Variants in CCSER1 observed in about 807,000 individuals in gnomAD.
The protein encoded by CCSER1 is coiled-coil serine rich protein 1.
CCSER1 carries 41 observed loss-of-function variants against 82.0 expected under a neutral mutation model. That is an observed-to-expected ratio of 0.50 (90% CI 0.39 to 0.65). The LOEUF is 0.65. Ranked by LOEUF, CCSER1 falls within the 30% of genes least tolerant of loss-of-function variation. The pLI, the probability that CCSER1 is intolerant of heterozygous loss-of-function variation, is 0.00. For synonymous variants in CCSER1, 414 were observed against 383.9 expected, an observed-to-expected ratio of 1.08 and a Z score of -0.92; for missense variants, 1,119 against 1,064.2, an observed-to-expected ratio of 1.05 and a Z score of -0.72.
At chr4:90,820,302 A>G (rs1180765436) in intron 8 of CCSER1, among the ~76,000 whole-genome samples, 3 of 152,204 alleles carry the variant, frequency 2.0e-5, no homozygotes, top group African/African-American at 7.2e-5. Flanking sequence ...TGCTGTTCTA[A>G]CAAAATATCA....
At chr4:90,557,819 G>A (rs1215769322) in intron 5 of CCSER1, among the ~76,000 whole-genome samples, 2 of 151,986 alleles carry the variant, frequency 1.3e-5, no homozygotes, top group African/African-American at 4.8e-5. Flanking sequence ...TATTACATGT[G>A]GACATTTTAA....
At chr4:91,433,618 C>T (rs1754459191) in intron 10 of CCSER1, among the ~76,000 whole-genome samples, 1 of 152,184 alleles carries the variant, frequency 6.6e-6, no homozygotes, top group Non-Finnish European at 1.5e-5. Context: ...GTTAAAATTG[C>T]CTGCAGTATT....
chr4:90,546,585 G>A (rs929519646), intron 5 of CCSER1, among the ~76,000 whole-genome samples: 2 of 152,178 alleles, frequency 1.3e-5, no homozygotes, highest in Non-Finnish European at 2.9e-5. Flanking sequence ...AGGCAATTTA[G>A]TAGAAAATAA....
At chr4:90,472,637 C>T (rs1424703205) in intron 5 of CCSER1, among the ~76,000 whole-genome samples, 2 of 152,176 alleles carry the variant, frequency 1.3e-5, no homozygotes, top group Non-Finnish European at 2.9e-5. Flanking sequence ...TACTTCACTT[C>T]TGAGTTTAGT....
At chr4:90,974,822 A>G (rs1204089485) in intron 9 of CCSER1, among the ~76,000 whole-genome samples, 1 of 151,460 alleles carries the variant, frequency 6.6e-6, no homozygotes, top group Admixed American at 6.6e-5. Flanking sequence ...TTCTTAATCT[A>G]TTAAACATAG....
intron 9 of CCSER1, among the ~76,000 whole-genome samples, chr4:90,951,772 G>T (rs954888353): frequency 2.6e-5 from 4 of 152,056 alleles, no homozygotes; most frequent in African/African-American, 7.2e-5. Flanking sequence ...TATTCTGAAT[G>T]CTTCTAAATT....
chr4:91,379,251 T>A (rs887264335), intron 10 of CCSER1, among the ~76,000 whole-genome samples: 36 of 152,308 alleles, frequency 2.4e-4, no homozygotes, highest in African/African-American at 8.2e-4. Context: ...GGTATCAGGA[T>A]GATGCTGGCC....
intron 10 of CCSER1, among the ~76,000 whole-genome samples, chr4:91,459,097 C>T (rs144247686): frequency 1.6e-3 from 244 of 151,476 alleles, no homozygotes; most frequent in South Asian, 2.1e-3. Context: ...TCAAAAAATT[C>T]TGTGCATAAA....
At chr4:91,489,837 C>T (rs28508157) in intron 10 of CCSER1, among the ~76,000 whole-genome samples, 115,003 of 151,936 alleles carry the variant, frequency 0.76, 44,008 homozygotes, top group East Asian at 0.93. Context: ...GATGATGATA[C>T]TCTCTGACCA....
At chr4:91,072,478 A>G (rs1023706010) in intron 9 of CCSER1, among the ~76,000 whole-genome samples, 6 of 152,164 alleles carry the variant, frequency 3.9e-5, no homozygotes, top group Admixed American at 3.9e-4. Flanking sequence ...GGTAAAAATG[A>G]CATGGTTTAG....
In CCSER1 at chr4:90,591,281, C is replaced by T. The variant is rs534722996; in HGVS notation, c.1725-36744C>T. Among the ~76,000 whole-genome samples, 17 of 152,234 alleles carry T rather than the reference C, an allele frequency of 1.1e-4. No individual in the cohort carries two copies. In the East Asian group the frequency reaches 2.5e-3, roughly 22 times the overall value. The stretch of plus-strand genomic sequence containing the variant: ...CTTCCTATTTGAATACAATTTCCTT[C>T]GTTTGCCTGATTGCCTTGGCCAGAA... On this transcript the variant is annotated intron_variant, in intron 5 of 10. Transcript: ENST00000509176.
intron 10 of CCSER1, among the ~76,000 whole-genome samples, chr4:91,364,659 GTCTTTC>G (rs1749481879): frequency 1.3e-5 from 2 of 152,036 alleles, no homozygotes; most frequent in South Asian, 2.1e-4. Context: ...ATTTTATTAA[GTCTTTC>G]TCTTTCTGAT....
chr4:91,180,158 C>T (rs1050983286), intron 10 of CCSER1, among the ~76,000 whole-genome samples: 19 of 152,182 alleles, frequency 1.2e-4, no homozygotes, highest in Admixed American at 2.6e-4. Flanking sequence ...GCTGCCTCAT[C>T]CTTCCTCTGA....
intron 5 of CCSER1, among the ~76,000 whole-genome samples, chr4:90,474,139 C>CAAAA (rs113535187): frequency 3.4e-4 from 35 of 102,016 alleles, no homozygotes; most frequent in African/African-American, 9.5e-4. Context: ...GATTCCCTCT[C>CAAAA]AAAAAAAAAA....
intron 1 of CCSER1, among the ~76,000 whole-genome samples, chr4:90,298,939 C>CT (rs1336995876): frequency 6.6e-6 from 1 of 152,050 alleles, no homozygotes; most frequent in African/African-American, 2.4e-5. Flanking sequence ...CTTCTTTCTT[C>CT]TTTTACCACT....
intron 10 of CCSER1, among the ~76,000 whole-genome samples, chr4:91,422,080 C>T (rs1475841859): frequency 6.6e-6 from 1 of 152,116 alleles, no homozygotes; most frequent in African/African-American, 2.4e-5. Flanking sequence ...TCCAGAGCCT[C>T]CAGGAAAGAA....
intron 10 of CCSER1, among the ~76,000 whole-genome samples, chr4:91,542,412 G>A (rs1761652194): frequency 1.3e-5 from 2 of 152,100 alleles, no homozygotes; most frequent in Admixed American, 1.3e-4. Context: ...TGTATTAGGT[G>A]TAAGGAAGGG....
chr4:90,717,919 C>T (rs1346034401), intron 6 of CCSER1, among the ~76,000 whole-genome samples: 1 of 151,742 alleles, frequency 6.6e-6, no homozygotes, highest in East Asian at 1.9e-4. Flanking sequence ...ACAATCATGG[C>T]AAAACTTAAA....
chr4:90,753,958 C>T (rs1749112364), intron 7 of CCSER1, among the ~76,000 whole-genome samples: 1 of 152,166 alleles, frequency 6.6e-6, no homozygotes, highest in South Asian at 2.1e-4. Flanking sequence ...CCTGTCTTCA[C>T]ATTACCATAT....
Sources: gnomAD v4.1 joint callset for allele counts (sites outside exome capture counted in the v4.1 genomes callset) on GRCh38, gnomAD v4.1.1 for gene constraint, MANE v1.5 for transcripts, NCBI Gene and HGNC (gene_info 2026-07-23, HGNC 2026-07-21) for gene names.